FGF7: variants seen among roughly 807,000 people sequenced by gnomAD.
The protein encoded by FGF7 is FGF-7.
A neutral mutation model predicts 20.5 loss-of-function variants in FGF7; 6 were observed. The observed-to-expected ratio is 0.29, with a 90% CI of 0.16 to 0.58. FGF7 has a LOEUF of 0.58. Among genes scored for constraint, FGF7 ranks in the 20% least tolerant of loss-of-function variants. The probability of loss-of-function intolerance (pLI) is 0.90; values close to 1 mark genes in which losing one functional copy is unlikely to be tolerated. For synonymous variants in FGF7, 64 were observed against 74.7 expected, an observed-to-expected ratio of 0.86 and a Z score of 0.74; for missense variants, 144 against 228.8, an observed-to-expected ratio of 0.63 and a Z score of 2.39.
In FGF7 at chr15:49,485,483, A is replaced by C. The variant is rs887685925; in HGVS notation, c.*979A>C. The C allele has an allele frequency of 6.6e-6, 1 of 151,440 alleles. No homozygotes were observed. The highest frequency in any genetic ancestry group is 1.5e-5 in the Non-Finnish European group (1 of 67,560). 9.4% of individuals were successfully genotyped at this position (151,440 alleles called of 1,614,324 possible). A position where few individuals can be genotyped will look rare whatever the true frequency, so the allele number is the denominator to read the frequency against. On this transcript the variant is annotated 3_prime_UTR_variant, in exon 4 of 4. Coordinates refer to ENST00000267843, the MANE Select transcript of FGF7 (RefSeq NM_002009.4). ...AGTTTATGTTATTTATAAAAAAAAA[A>C]CCTTAATAAGCTGTATCTGTTTCAT...
chr15:49,449,719 T>C (rs1177068418), intron 2 of FGF7, among the ~76,000 whole-genome samples: 3 of 152,110 alleles, frequency 2.0e-5, no homozygotes, highest in Non-Finnish European at 4.4e-5. Flanking sequence ...TTCGCTTCTA[T>C]ACTTGTGCAA....
At chr15:49,427,204 T>C (rs181441906) in intron 2 of FGF7, among the ~76,000 whole-genome samples, 1 of 152,108 alleles carries the variant, frequency 6.6e-6, no homozygotes, top group East Asian at 1.9e-4. Context: ...TATTAGGAAA[T>C]CTAGGTTCAA....
At chr15:49,436,283 A>T (rs1489314257) in intron 2 of FGF7, among the ~76,000 whole-genome samples, 1 of 151,600 alleles carries the variant, frequency 6.6e-6, no homozygotes, top group Non-Finnish European at 1.5e-5. Flanking sequence ...TTGAGTAGTC[A>T]GTTAACTTAC....
rs2055677785 is a variant in FGF7, at chr15:49,479,430, ATTTGT to A, written c.287-3717_287-3713del. Reference sequence around the variant, plus strand: ...TCCACAAAGAAAGACAGCCTCTTCTATTTGTTTTATGTGAGGCAACGGATACACTG... The same window carrying A: ...TCCACAAAGAAAGACAGCCTCTTCTATTTATGTGAGGCAACGGATACACTG... On this transcript the variant is annotated intron_variant, in intron 2 of 3. Coordinates refer to ENST00000267843, the MANE Select transcript of FGF7 (RefSeq NM_002009.4). Among the ~76,000 whole-genome samples, 5 of 152,212 alleles carry A rather than the reference ATTTGT, an allele frequency of 3.3e-5. No individual in the cohort carries two copies. In the South Asian group the frequency reaches 1.0e-3, roughly 32 times the overall value.
At chr15:49,438,316 T>G (rs1330327129) in intron 2 of FGF7, among the ~76,000 whole-genome samples, 2 of 151,778 alleles carry the variant, frequency 1.3e-5, no homozygotes, top group Admixed American at 6.6e-5. Context: ...AATATTACTT[T>G]GTTAAAAATT....
intron 2 of FGF7, among the ~76,000 whole-genome samples, chr15:49,478,327 T>G (rs1256064725): frequency 1.3e-5 from 2 of 152,256 alleles, no homozygotes; most frequent in African/African-American, 4.8e-5. Flanking sequence ...GCCCACTTTT[T>G]AACTAGGTTT....
intron 2 of FGF7, among the ~76,000 whole-genome samples, chr15:49,477,115 C>T (rs372135621): frequency 1.5e-4 from 22 of 151,658 alleles, no homozygotes; most frequent in African/African-American, 3.2e-4. Context: ...ATCTCCATTT[C>T]CCCCCACAGT....
intron 2 of FGF7, among the ~76,000 whole-genome samples, chr15:49,448,872 A>G (rs1029617703): frequency 6.6e-6 from 1 of 151,824 alleles, no homozygotes; most frequent in Non-Finnish European, 1.5e-5. Flanking sequence ...AGTCGATTCC[A>G]ATATTATATT....
intron 2 of FGF7, among the ~76,000 whole-genome samples, chr15:49,454,590 A>G (rs1226200025): frequency 1.3e-5 from 2 of 152,032 alleles, no homozygotes. Flanking sequence ...CCCCATAATT[A>G]TACTCTTTAT....
At chr15:49,452,979 C>T (rs2151893604) in intron 2 of FGF7, among the ~76,000 whole-genome samples, 1 of 152,080 alleles carries the variant, frequency 6.6e-6, no homozygotes, top group East Asian at 1.9e-4. Context: ...TTCCATAGGG[C>T]CCAAATTCAC....
chr15:49,430,267 G>C lies in FGF7; in HGVS notation c.286+5684G>C, dbSNP rs569918939. Reference sequence around the variant, plus strand: ...CAGCCTCACAATGACAGGCAGGTCTGCATCTCTTCTGACACTTTAAAGTGG... The same window carrying C: ...CAGCCTCACAATGACAGGCAGGTCTCCATCTCTTCTGACACTTTAAAGTGG... On this transcript the variant is annotated intron_variant, in intron 2 of 3. Transcript: ENST00000267843. Among the ~76,000 whole-genome samples, 3 of 152,020 alleles carry C rather than the reference G, an allele frequency of 2.0e-5. No individual in the cohort carries two copies. In the East Asian group the frequency reaches 5.8e-4, roughly 30 times the overall value.
At chr15:49,431,439 C>A (rs778467806) in intron 2 of FGF7, among the ~76,000 whole-genome samples, 1 of 151,692 alleles carries the variant, frequency 6.6e-6, no homozygotes, top group Non-Finnish European at 1.5e-5. Flanking sequence ...TATGTAAAGA[C>A]AAAGTGATTA....
chr15:49,441,631 A>G (rs1198753953), intron 2 of FGF7, among the ~76,000 whole-genome samples: 3 of 151,644 alleles, frequency 2.0e-5, no homozygotes, highest in Non-Finnish European at 3.0e-5. Flanking sequence ...CTGATTCACC[A>G]CAGCAGTACT....
intron 2 of FGF7, among the ~76,000 whole-genome samples, chr15:49,453,840 C>A (rs1199104599): frequency 6.6e-6 from 1 of 152,128 alleles, no homozygotes; most frequent in Non-Finnish European, 1.5e-5. Flanking sequence ...CCCCCTCAAT[C>A]CTGCTCTTAC....
At chr15:49,432,549 T>A (rs1276715431) in intron 2 of FGF7, among the ~76,000 whole-genome samples, 1 of 151,572 alleles carries the variant, frequency 6.6e-6, no homozygotes, top group Non-Finnish European at 1.5e-5. Flanking sequence ...ATATTTAAAT[T>A]TTATTAAATT....
At chr15:49,454,286 T>C (rs1290206354) in intron 2 of FGF7, among the ~76,000 whole-genome samples, 1 of 152,188 alleles carries the variant, frequency 6.6e-6, no homozygotes, top group East Asian at 1.9e-4. Context: ...GGGCACTTGT[T>C]AGGTCTCTCT....
At chr15:49,434,085 A>G (rs541797401) in intron 2 of FGF7, among the ~76,000 whole-genome samples, 1 of 151,436 alleles carries the variant, frequency 6.6e-6, no homozygotes, top group Non-Finnish European at 1.5e-5. Flanking sequence ...TCCACTCTCA[A>G]TTCGTTTTAG....
chr15:49,460,608 G>C (rs1334185084), intron 2 of FGF7, among the ~76,000 whole-genome samples: 1 of 152,076 alleles, frequency 6.6e-6, no homozygotes, highest in Non-Finnish European at 1.5e-5. Flanking sequence ...AAATGTTCTA[G>C]CAACAGCCAA....
Position 49,484,458 on chromosome 15 carries a change from A to C in FGF7, c.539A>C (p.Lys180Thr). The C allele has an allele frequency of 6.3e-7, 1 of 1,580,968 alleles. No homozygotes were observed. The highest frequency in any genetic ancestry group is 8.5e-7 in the Non-Finnish European group (1 of 1,173,536). The change falls in exon 4 of 4, where the codon AAG becomes ACG. Residue 180 changes from lysine to threonine, a missense_variant. Transcript: ENST00000267843. ...KGIPVRGKKT[K>T]KEQKTAHFLP... is the part of the protein sequence containing the mutation. ...ATTCCTGTAAGAGGAAAAAAAACGA[A>C]GAAAGAACAAAAAACAGCCCACTTT...
Sources: gnomAD v4.1 joint callset for allele counts (sites outside exome capture counted in the v4.1 genomes callset) on GRCh38, gnomAD v4.1.1 for gene constraint, MANE v1.5 for transcripts, NCBI Gene and HGNC (gene_info 2026-07-23, HGNC 2026-07-21) for gene names.